Variants in WWOX observed in about 807,000 individuals in gnomAD.
WWOX encodes WW domain containing oxidoreductase, also known as WW domain-containing oxidoreductase.
A neutral mutation model predicts 46.2 loss-of-function variants in WWOX; 69 were observed. That is an observed-to-expected ratio of 1.49 (90% CI 1.23 to 1.82). WWOX has a LOEUF of 1.82. Among genes scored for constraint, WWOX ranks in the 40% most tolerant of loss-of-function variants. The pLI is 0.00. For synonymous variants in WWOX, 359 were observed against 202.6 expected (o/e 1.77, Z -6.56); for missense variants, 919 against 542.6 (o/e 1.69, Z -6.89).
chr16:78,106,167 A>G (rs563117419), intron 1 of WWOX, among the ~76,000 whole-genome samples: 12 of 152,324 alleles, frequency 7.9e-5, no homozygotes, highest in Non-Finnish European at 1.3e-4. Flanking sequence ...ATGTGTGCCT[A>G]TGAGATAAAG....
chr16:78,334,848 ACACACAC>A (rs2080847822), intron 5 of WWOX, among the ~76,000 whole-genome samples: 4 of 147,138 alleles, frequency 2.7e-5, no homozygotes, highest in African/African-American at 1.1e-4. Context: ...ACACACACAC[ACACACAC>A]AAAATCACCA....
chr16:78,825,105 G>A (rs997782733), intron 8 of WWOX, among the ~76,000 whole-genome samples: 2 of 152,074 alleles, frequency 1.3e-5, no homozygotes, highest in Non-Finnish European at 2.9e-5. Flanking sequence ...GAGGATGCCG[G>A]CACTCGGGGA....
At chr16:78,786,151 C>T (rs1380205016) in intron 8 of WWOX, among the ~76,000 whole-genome samples, 1 of 152,174 alleles carries the variant, frequency 6.6e-6, no homozygotes. Flanking sequence ...CTCCGGTGAT[C>T]TGCCTGTCTC....
chr16:78,830,650 C>T (rs974294668), intron 8 of WWOX, among the ~76,000 whole-genome samples: 2 of 151,812 alleles, frequency 1.3e-5, no homozygotes, highest in African/African-American at 4.8e-5. Flanking sequence ...ATTTTCCTAA[C>T]AAAATTTCTG....
intron 8 of WWOX, among the ~76,000 whole-genome samples, chr16:78,527,756 C>G (rs2043512024): frequency 1.3e-5 from 1 of 78,452 alleles, no homozygotes. Context: ...ATATTGCCTG[C>G]CAGGGAATGC....
intron 8 of WWOX, among the ~76,000 whole-genome samples, chr16:79,199,055 G>C (rs563053556): frequency 6.6e-6 from 1 of 151,906 alleles, no homozygotes; most frequent in Non-Finnish European, 1.5e-5. Flanking sequence ...TTCAGTCCCC[G>C]GTGTTTTTAT....
chr16:78,632,460 G>A (rs887089029), intron 8 of WWOX, among the ~76,000 whole-genome samples: 1 of 151,550 alleles, frequency 6.6e-6, no homozygotes, highest in Non-Finnish European at 1.5e-5. Flanking sequence ...GAGGGTGTAG[G>A]CCAAGAAAGG....
chr16:78,595,276 A>C (rs561630156), intron 8 of WWOX, among the ~76,000 whole-genome samples: 36 of 137,030 alleles, frequency 2.6e-4, no homozygotes, highest in Non-Finnish European at 4.1e-4. Flanking sequence ...GGCAGGAGCA[A>C]CTGGAAATGT....
chr16:78,387,209 A>C (rs1256926477), intron 6 of WWOX, among the ~76,000 whole-genome samples: 3 of 152,220 alleles, frequency 2.0e-5, no homozygotes, highest in Non-Finnish European at 4.4e-5. Flanking sequence ...AAAAGTGGCT[A>C]ATAAAAGCTT....
At chr16:78,109,515 C>T (rs2032360913) in intron 2 of WWOX, among the ~76,000 whole-genome samples, 1 of 152,180 alleles carries the variant, frequency 6.6e-6, no homozygotes, top group Non-Finnish European at 1.5e-5. Flanking sequence ...TGGATTGGCA[C>T]AACCAGTATG....
intron 6 of WWOX, among the ~76,000 whole-genome samples, chr16:78,389,028 A>C (rs1269148425): frequency 6.6e-6 from 1 of 151,954 alleles, no homozygotes; most frequent in Non-Finnish European, 1.5e-5. Context: ...GTCCCAAGTC[A>C]CTGAGGTCTA....
intron 8 of WWOX, among the ~76,000 whole-genome samples, chr16:78,866,515 T>G (rs1417524030): frequency 6.6e-6 from 1 of 152,118 alleles, no homozygotes; most frequent in Non-Finnish European, 1.5e-5. Flanking sequence ...CGAAGAACAG[T>G]TGCTGAAGCT....
chr16:78,675,178 T>C (rs554297927), intron 8 of WWOX, among the ~76,000 whole-genome samples: 18 of 152,270 alleles, frequency 1.2e-4, no homozygotes, highest in African/African-American at 4.3e-4. Flanking sequence ...TTTTTATGTA[T>C]ATTTAACAGG....
At chr16:78,710,491 TA>T (rs2048419248) in intron 8 of WWOX, among the ~76,000 whole-genome samples, 1 of 135,626 alleles carries the variant, frequency 7.4e-6, no homozygotes, top group African/African-American at 2.7e-5. Flanking sequence ...TATATATATA[TA>T]TATATATTTA....
chr16:78,954,904 C>T (rs2046133914), intron 8 of WWOX, among the ~76,000 whole-genome samples: 1 of 152,108 alleles, frequency 6.6e-6, no homozygotes, highest in Non-Finnish European at 1.5e-5. Flanking sequence ...ATCCTCCTGC[C>T]TCAGTTTCCT....
chr16:78,836,363 G>A (rs762603159), intron 8 of WWOX, among the ~76,000 whole-genome samples: 10 of 152,108 alleles, frequency 6.6e-5, no homozygotes, highest in Non-Finnish European at 1.0e-4. Context: ...AGCAGAGATA[G>A]GAGGCCCTCT....
chr16:79,157,849 A>T (rs1200058744), intron 8 of WWOX, among the ~76,000 whole-genome samples: 1 of 152,192 alleles, frequency 6.6e-6, no homozygotes, highest in Non-Finnish European at 1.5e-5. Context: ...AGGCAGGGTA[A>T]GTAGACTAGG....
rs143510341 is a variant in WWOX, at chr16:79,029,172, C to A, written c.1057-182436C>A. Among the ~76,000 whole-genome samples the A allele has an allele frequency of 8.5e-5, 13 of 152,204 alleles. No individual in the cohort carries two copies. In the South Asian group the frequency reaches 2.7e-3, roughly 32 times the overall value. On this transcript the variant is annotated intron_variant, in intron 8 of 8. Coordinates refer to ENST00000566780, the MANE Select transcript of WWOX (RefSeq NM_016373.4). ...AAGGAGGGAGCCTACCTCTGGAGGC[C>A]CCAGGCTGGGACTTTGGGTACAGAT...
chr16:78,263,279 C>T (rs1246368591), intron 5 of WWOX, among the ~76,000 whole-genome samples: 1 of 152,190 alleles, frequency 6.6e-6, no homozygotes, highest in African/African-American at 2.4e-5. Context: ...AACAGTGATT[C>T]TCTTTCCTCA....
Sources: gnomAD v4.1 joint callset for allele counts (sites outside exome capture counted in the v4.1 genomes callset) on GRCh38, gnomAD v4.1.1 for gene constraint, MANE v1.5 for transcripts, NCBI Gene and HGNC (gene_info 2026-07-23, HGNC 2026-07-21) for gene names.